The following NTNG1 variants were observed in gnomAD, a reference collection of about 807,000 sequenced individuals.
The protein encoded by NTNG1 is netrin G1, also known as netrin-G1.
NTNG1 carries 16 observed loss-of-function variants against 54.0 expected under a neutral mutation model. The observed-to-expected ratio is 0.30, with a 90% CI of 0.20 to 0.45. The LOEUF (loss-of-function observed/expected upper bound fraction) is 0.45, where lower values mean the gene tolerates loss of function less well. Among genes scored for constraint, NTNG1 ranks in the 20% least tolerant of loss-of-function variants. The pLI, the probability that NTNG1 is intolerant of heterozygous loss-of-function variation, is 1.00. For missense variants in NTNG1, 530 were observed against 678.7 expected (o/e 0.78, Z 2.43); for synonymous variants, 255 against 263.1 (o/e 0.97, Z 0.30).
At chr1:107,391,686 C>A (rs1332244278) in intron 3 of NTNG1, among the ~76,000 whole-genome samples, 2 of 151,964 alleles carry the variant, frequency 1.3e-5, no homozygotes, top group Non-Finnish European at 2.9e-5. Context: ...TGTCACATGG[C>A]AAGAGCAGGA....
intron 7 of NTNG1, among the ~76,000 whole-genome samples, chr1:107,468,559 C>T (rs1558022245): frequency 6.6e-6 from 1 of 152,122 alleles, no homozygotes; most frequent in Non-Finnish European, 1.5e-5. Context: ...CAAAGAACAC[C>T]AAATCCTTTT....
intron 3 of NTNG1, among the ~76,000 whole-genome samples, chr1:107,389,731 T>C (rs1045271064): frequency 6.6e-6 from 1 of 152,230 alleles, no homozygotes; most frequent in Non-Finnish European, 1.5e-5. Flanking sequence ...TAGTTCTATC[T>C]GCAGTGCTTA....
chr1:107,220,107 G>A (rs1272182022), intron 2 of NTNG1, among the ~76,000 whole-genome samples: 1 of 152,122 alleles, frequency 6.6e-6, no homozygotes, highest in African/African-American at 2.4e-5. Context: ...GTTCCCAGGG[G>A]GATTATGGAT....
At chr1:107,374,984 TAG>T (rs776723572) in intron 3 of NTNG1, among the ~76,000 whole-genome samples, 1 of 152,216 alleles carries the variant, frequency 6.6e-6, no homozygotes, top group Non-Finnish European at 1.5e-5. Flanking sequence ...CCCTGTGAAT[TAG>T]AGATTTTCTA....
At chr1:107,304,548 A>C (rs1021720882) in intron 2 of NTNG1, among the ~76,000 whole-genome samples, 1 of 152,150 alleles carries the variant, frequency 6.6e-6, no homozygotes, top group African/African-American at 2.4e-5. Context: ...ACATATTACT[A>C]CTGGGATTGA....
chr1:107,337,479 T>C (rs1440705208), intron 3 of NTNG1, among the ~76,000 whole-genome samples: 1 of 152,004 alleles, frequency 6.6e-6, no homozygotes, highest in Admixed American at 6.6e-5. Context: ...AGAAGATTCA[T>C]TTGTAATGAG....
intron 2 of NTNG1, among the ~76,000 whole-genome samples, chr1:107,149,367 G>A (rs1354853291): frequency 6.6e-6 from 1 of 152,122 alleles, no homozygotes; most frequent in East Asian, 1.9e-4. Flanking sequence ...AAAAGTAGAG[G>A]AGAGAGGAAC....
rs576413558 is a variant in NTNG1, at chr1:107,462,999, A to C, written c.1391-17612A>C. On this transcript the variant is annotated intron_variant, in intron 7 of 7. Transcript: ENST00000370068. ...TGCAATTTCTCCCATACAGTGGGGA[A>C]GAGACAAACTATACCAGCCTACCTC... Among the ~76,000 whole-genome samples the C allele has an allele frequency of 6.8e-4, 104 of 152,314 alleles. 1 individual carries two copies. The highest frequency in any genetic ancestry group is 2.4e-3 in the African/African-American group (99 of 41,578).
chr1:107,335,373 T>TG (rs1274235960), intron 3 of NTNG1, among the ~76,000 whole-genome samples: 1 of 152,026 alleles, frequency 6.6e-6, no homozygotes, highest in African/African-American at 2.4e-5. Context: ...CTTTACATAT[T>TG]GATAGGTTCA....
intron 5 of NTNG1, 40 bp from the exon 6 acceptor site, chr1:107,430,710 C>T (rs1675206743): frequency 5.1e-6 from 8 of 1,578,364 alleles, no homozygotes; most frequent in Non-Finnish European, 7.0e-6. Flanking sequence ...TACTCTGCTA[C>T]TGTATACACT....
intron 2 of NTNG1, among the ~76,000 whole-genome samples, chr1:107,270,905 A>G (rs1017355688): frequency 2.6e-5 from 4 of 152,134 alleles, no homozygotes; most frequent in Non-Finnish European, 5.9e-5. Flanking sequence ...TCTCTCCAGA[A>G]CAATACACAA....
At position 107,482,160 on chromosome 1, in the gene NTNG1, T is replaced by C. The variant is rs1422528252; in HGVS notation, c.*1320T>C. ...CTTTTATTTTTAAGTCATGCTATTT[T>C]CACAGATTGATGGTGATCATGTGAC... On this transcript the variant is annotated 3_prime_UTR_variant, in exon 8 of 8. Coordinates refer to ENST00000370068, the MANE Select transcript of NTNG1 (RefSeq NM_001113226.3). 6.6e-6 allele frequency: 1 copy of C among 152,064 alleles called. No homozygotes were observed. Among genetic ancestry groups the C allele is most frequent in the African/African-American group, 2.4e-5 (1 of 41,394 alleles). 9.4% of individuals were successfully genotyped at this position (152,064 alleles called of 1,614,324 possible). A position where few individuals can be genotyped will look rare whatever the true frequency, so the allele number is the denominator to read the frequency against.
chr1:107,451,041 G>A (rs1043886724), intron 7 of NTNG1, among the ~76,000 whole-genome samples: 3 of 151,728 alleles, frequency 2.0e-5, no homozygotes, highest in Non-Finnish European at 4.4e-5. Context: ...ATACCCTTAG[G>A]GGTTTGTATG....
intron 2 of NTNG1, among the ~76,000 whole-genome samples, chr1:107,210,063 A>G (rs1412620190): frequency 6.6e-6 from 1 of 152,128 alleles, no homozygotes; most frequent in Non-Finnish European, 1.5e-5. Flanking sequence ...AAGGGGATGC[A>G]CTTTGAGCAA....
intron 2 of NTNG1, among the ~76,000 whole-genome samples, chr1:107,177,050 A>G (rs1195882316): frequency 2.6e-5 from 4 of 152,228 alleles, no homozygotes; most frequent in Middle Eastern, 6.8e-3. Flanking sequence ...GTCCAAGTCA[A>G]CTTCCTAAAT....
At chr1:107,297,005 AT>A (rs1665982197) in intron 2 of NTNG1, among the ~76,000 whole-genome samples, 1 of 148,782 alleles carries the variant, frequency 6.7e-6, no homozygotes. Context: ...CAGAAGAATC[AT>A]TTTGCTGTTG....
chr1:107,479,757 G>A (rs938743913), intron 7 of NTNG1, among the ~76,000 whole-genome samples: 16 of 152,174 alleles, frequency 1.1e-4, no homozygotes, highest in Non-Finnish European at 1.3e-4. Context: ...AATTATTAGA[G>A]GTGAAAGTTA....
At chr1:107,268,081 T>G (rs1456474217) in intron 2 of NTNG1, among the ~76,000 whole-genome samples, 2 of 152,364 alleles carry the variant, frequency 1.3e-5, no homozygotes, top group African/African-American at 4.8e-5. Flanking sequence ...TTATCATTTC[T>G]CTTTTATAAC....
chr1:107,188,132 A>G (rs546823136), intron 2 of NTNG1, among the ~76,000 whole-genome samples: 1 of 152,122 alleles, frequency 6.6e-6, no homozygotes, highest in East Asian at 1.9e-4. Context: ...TAATTACAAA[A>G]GTATCAATTG....
Sources: gnomAD v4.1 joint callset for allele counts (sites outside exome capture counted in the v4.1 genomes callset) on GRCh38, gnomAD v4.1.1 for gene constraint, MANE v1.5 for transcripts, NCBI Gene and HGNC (gene_info 2026-07-23, HGNC 2026-07-21) for gene names.